The following MTFMT variants were observed in gnomAD, a reference collection of about 807,000 sequenced individuals.
The protein encoded by MTFMT is mitochondrial methionyl-tRNA formyltransferase.
MTFMT carries 47 observed loss-of-function variants against 51.8 expected under a neutral mutation model. The observed-to-expected ratio is 0.91, with a 90% CI of 0.72 to 1.16. MTFMT has a LOEUF of 1.16. Among genes scored for constraint, MTFMT ranks in the 50% most tolerant of loss-of-function variants. The pLI is 0.00. For missense variants in MTFMT, 512 were observed against 482.3 expected, an observed-to-expected ratio of 1.06 and a Z score of -0.58; for synonymous variants, 196 against 176.7, an observed-to-expected ratio of 1.11 and a Z score of -0.87.
chr15:65,011,735 G>A (rs146768186), intron 6 of MTFMT, among the ~76,000 whole-genome samples: 469 of 151,994 alleles, frequency 3.1e-3, no homozygotes, highest in African/African-American at 0.011. Flanking sequence ...GGTTCAAGCA[G>A]TCCTCCTGTC....
intron 3 of MTFMT, among the ~76,000 whole-genome samples, chr15:65,022,886 TTA>T (rs949718623): frequency 5.9e-5 from 9 of 151,886 alleles, no homozygotes; most frequent in Admixed American, 5.3e-4. Context: ...TTTTTATTTT[TTA>T]TATGTTGCCC....
At chr15:65,023,420 T>C (rs1420283896) in intron 3 of MTFMT, among the ~76,000 whole-genome samples, 1 of 152,178 alleles carries the variant, frequency 6.6e-6, no homozygotes, top group Non-Finnish European at 1.5e-5. Flanking sequence ...AATCCGAGTA[T>C]TAATAATATA....
At chr15:65,029,213 T>G (rs918212782) in intron 1 of MTFMT, 192 bp downstream of exon 1, 1 of 945,602 alleles carries the variant, frequency 1.1e-6, no homozygotes, top group African/African-American at 1.8e-5. Flanking sequence ...AGACCGCAGG[T>G]ACTAGGCGCC....
At chr15:65,025,125 T>TA (rs1463902951) in intron 2 of MTFMT, among the ~76,000 whole-genome samples, 1 of 150,304 alleles carries the variant, frequency 6.7e-6, no homozygotes, top group African/African-American at 2.5e-5. Flanking sequence ...CAGGGTACAG[T>TA]GGCTCATGCC....
chr15:65,009,029 G>A (rs1330490039), intron 6 of MTFMT, among the ~76,000 whole-genome samples: 1 of 152,144 alleles, frequency 6.6e-6, no homozygotes, highest in East Asian at 1.9e-4. Context: ...TAGTATGTTT[G>A]CATGAATTTA....
chr15:65,022,705 A>ATTT (rs35591836), intron 3 of MTFMT, among the ~76,000 whole-genome samples: 3 of 134,662 alleles, frequency 2.2e-5, no homozygotes, highest in Admixed American at 7.5e-5. Flanking sequence ...CATCATTCAG[A>ATTT]TTTTTTTTTT....
At chr15:65,019,168 A>C (rs1595891161) in intron 5 of MTFMT, among the ~76,000 whole-genome samples, 3 of 152,318 alleles carry the variant, frequency 2.0e-5, no homozygotes, top group Admixed American at 2.0e-4. Flanking sequence ...GGGAAAACAC[A>C]TCTTAACACT....
chr15:65,018,829 C>T (rs566250225), intron 5 of MTFMT, among the ~76,000 whole-genome samples: 5 of 152,206 alleles, frequency 3.3e-5, no homozygotes, highest in Admixed American at 1.3e-4. Context: ...CTAAAAAGAA[C>T]GCATCTGACA....
At chr15:65,021,267 G>C (rs905401063) in intron 4 of MTFMT, among the ~76,000 whole-genome samples, 1 of 152,214 alleles carries the variant, frequency 6.6e-6, no homozygotes, top group African/African-American at 2.4e-5. Context: ...CCTCACTATG[G>C]CATGTAGTAG....
chr15:65,006,538 G>A (rs1456680610), intron 6 of MTFMT, among the ~76,000 whole-genome samples: 1 of 151,874 alleles, frequency 6.6e-6, no homozygotes, highest in Non-Finnish European at 1.5e-5. Flanking sequence ...AACCATGCCC[G>A]GCTAATTTTT....
At chr15:65,017,534 AAAG>A (rs2086334424) in intron 5 of MTFMT, among the ~76,000 whole-genome samples, 1 of 152,212 alleles carries the variant, frequency 6.6e-6, no homozygotes, top group Non-Finnish European at 1.5e-5. Flanking sequence ...TAAAAAACAA[AAAG>A]AAGGCCAGGC....
At chr15:65,010,702 A>C (rs1182808003) in intron 6 of MTFMT, among the ~76,000 whole-genome samples, 1 of 152,164 alleles carries the variant, frequency 6.6e-6, no homozygotes, top group African/African-American at 2.4e-5. Context: ...AATGTTTCCA[A>C]TTCTCTTGAG....
At chr15:65,027,652 C>A (rs1292773386) in intron 1 of MTFMT, among the ~76,000 whole-genome samples, 1 of 152,174 alleles carries the variant, frequency 6.6e-6, no homozygotes, top group African/African-American at 2.4e-5. Flanking sequence ...ATATTACATA[C>A]TGCTTTGCAT....
chr15:65,021,087 T>C (rs1418856442), intron 4 of MTFMT, among the ~76,000 whole-genome samples: 1 of 152,168 alleles, frequency 6.6e-6, no homozygotes, highest in Non-Finnish European at 1.5e-5. Flanking sequence ...AGAAGGATCA[T>C]CTATAGGTAG....
chr15:65,011,291 CA>C (rs1410995759), intron 6 of MTFMT, among the ~76,000 whole-genome samples: 1 of 152,076 alleles, frequency 6.6e-6, no homozygotes, highest in Non-Finnish European at 1.5e-5. Context: ...CATTGCACTC[CA>C]GCCTGGGCAA....
chr15:65,003,845 C>CAAAAAAAAAAAAA (rs768884218), intron 8 of MTFMT, among the ~76,000 whole-genome samples: 4,036 of 40,558 alleles, frequency 0.1, 732 homozygotes, highest in Middle Eastern at 0.16. Flanking sequence ...AACTCCATCT[C>CAAAAAAAAAAAAA]AAAAAAAAAA....
intron 6 of MTFMT, among the ~76,000 whole-genome samples, chr15:65,006,585 C>T (rs1171928401): frequency 1.3e-5 from 2 of 152,002 alleles, no homozygotes; most frequent in African/African-American, 4.8e-5. Context: ...ACCATGTTAG[C>T]CACGATGGTC....
In MTFMT at chr15:65,012,302, T is replaced by TATA. The variant is rs367734371; in HGVS notation, c.813+4131_813+4133dup. Among the ~76,000 whole-genome samples the TATA allele has an allele frequency of 5.9e-3, 848 of 142,760 alleles. 5 individuals are homozygous for TATA. The highest frequency in any genetic ancestry group is 8.0e-3 in the South Asian group (29 of 3,642). The allele number at this position is 142,760 out of a possible 152,430, so 93.7% of individuals were successfully genotyped here. On this transcript the variant is annotated intron_variant, in intron 6 of 8. Transcript: ENST00000220058. Reference sequence around the variant, plus strand: ...TGCACATGTACCCTAGAACTTAAAGTATAATAATAATAATAATAATAAAAA... The same window carrying TATA: ...TGCACATGTACCCTAGAACTTAAAGTATAATAATAATAATAATAATAATAAAAA...
chr15:65,002,997 C>T lies in MTFMT; in HGVS notation c.*65G>A, dbSNP rs1318776287. ...AAAAAAAAAAAAAGTCCAGATAATT[C>T]CTTGTAAATAAGGTTTTTAATAAAT... On this transcript the variant is annotated 3_prime_UTR_variant, in exon 9 of 9. Transcript: ENST00000220058. 5.8e-5 allele frequency: 41 copies of T among 701,428 alleles called. No individual in the cohort carries two copies. Among genetic ancestry groups the T allele is most frequent in the South Asian group, 3.4e-4 (8 of 23,490 alleles). The allele number at this position is 701,428 out of a possible 1,614,324, so 43.5% of individuals were successfully genotyped here.
Sources: gnomAD v4.1 joint callset for allele counts (sites outside exome capture counted in the v4.1 genomes callset) on GRCh38, gnomAD v4.1.1 for gene constraint, MANE v1.5 for transcripts, NCBI Gene and HGNC (gene_info 2026-07-23, HGNC 2026-07-21) for gene names.